Variants in NIPAL2 observed in about 807,000 individuals in gnomAD.
NIPAL2 encodes NIPA like domain containing 2.
Under a neutral mutation model 48.9 loss-of-function variants are expected in NIPAL2, and 43 were observed. That is an observed-to-expected ratio of 0.88 (90% CI 0.69 to 1.13). The LOEUF (loss-of-function observed/expected upper bound fraction) is 1.13. Among genes scored for constraint, NIPAL2 ranks in the 50% most tolerant of loss-of-function variants. The pLI is 0.00. For missense variants in NIPAL2, 446 were observed against 461.4 expected (o/e 0.97, Z 0.31); for synonymous variants, 167 against 174.6 (o/e 0.96, Z 0.34).
chr8:98,192,896 A>C lies in NIPAL2; in HGVS notation c.*82T>G, dbSNP rs957248502. On this transcript the variant is annotated 3_prime_UTR_variant, in exon 11 of 11. Coordinates refer to ENST00000430223, the MANE Select transcript of NIPAL2 (RefSeq NM_001321635.2). Reference sequence around the variant, plus strand: ...GCTAGCACATGTTAGCTTATAAAAGAGCTGCTGACACAAATTGAACATGTG... The same window carrying C: ...GCTAGCACATGTTAGCTTATAAAAGCGCTGCTGACACAAATTGAACATGTG... 6 of 827,228 alleles carry C rather than the reference A, an allele frequency of 7.3e-6. No homozygotes were observed. Among genetic ancestry groups the C allele is most frequent in the Non-Finnish European group, 1.2e-5 (6 of 482,248 alleles). 51.2% of individuals were successfully genotyped at this position (827,228 alleles called of 1,614,324 possible). A position where few individuals can be genotyped will look rare whatever the true frequency, so the allele number is the denominator to read the frequency against.
At chr8:98,217,288 T>C (rs1586327499) in intron 5 of NIPAL2, 1 of 985,426 alleles carries the variant, frequency 1.0e-6, no homozygotes, top group East Asian at 1.1e-4. Flanking sequence ...GACATCTGTC[T>C]GGGGCACGCA....
intron 4 of NIPAL2, among the ~76,000 whole-genome samples, chr8:98,233,787 C>T (rs1812565888): frequency 6.6e-6 from 1 of 152,154 alleles, no homozygotes; most frequent in African/African-American, 2.4e-5. Context: ...TTTCCTAAGC[C>T]TTACAGGCAG....
intron 10 of NIPAL2, chr8:98,193,517 AAT>A: frequency 8.5e-7 from 1 of 1,170,486 alleles, no homozygotes; most frequent in South Asian, 1.2e-5. Flanking sequence ...TGAAATAAAA[AAT>A]AGAGTTAAAA....
chr8:98,255,061 G>T (rs563986158), intron 1 of NIPAL2, among the ~76,000 whole-genome samples: 2 of 150,948 alleles, frequency 1.3e-5, no homozygotes, highest in African/African-American at 4.9e-5. Flanking sequence ...CTTTCTATTG[G>T]GTCTTCTGCT....
chr8:98,235,625 A>G (rs1812669022), intron 4 of NIPAL2, among the ~76,000 whole-genome samples: 1 of 151,812 alleles, frequency 6.6e-6, no homozygotes, highest in African/African-American at 2.4e-5. Flanking sequence ...GGTGTTCATA[A>G]AATTTTATAA....
chr8:98,272,418 GGAA>G (rs1443504016), intron 1 of NIPAL2, among the ~76,000 whole-genome samples: 1 of 152,066 alleles, frequency 6.6e-6, no homozygotes, highest in Non-Finnish European at 1.5e-5. Context: ...TGTGGAAAAA[GGAA>G]GGGAGATTTA....
intron 3 of NIPAL2, among the ~76,000 whole-genome samples, chr8:98,249,177 T>C (rs1813441274): frequency 6.6e-6 from 1 of 152,202 alleles, no homozygotes; most frequent in South Asian, 2.1e-4. Flanking sequence ...CAAGAAGCTC[T>C]ACACTAATGA....
rs143831741 is a variant in NIPAL2, at chr8:98,234,308, C to T, written c.436+1847G>A. ...TCATGGACTATAAATTACTTGTGGACGGGGATTCTGTCTTAATTATCATTT... is the reference window on the plus strand; with the variant it reads ...TCATGGACTATAAATTACTTGTGGATGGGGATTCTGTCTTAATTATCATTT... On this transcript the variant is annotated intron_variant, in intron 4 of 10. Coordinates refer to ENST00000430223, the MANE Select transcript of NIPAL2 (RefSeq NM_001321635.2). Among the ~76,000 whole-genome samples, 761 of 152,138 alleles carry T rather than the reference C, an allele frequency of 5.0e-3. 6 individuals carry two copies. The highest frequency in any genetic ancestry group is 0.017 in the African/African-American group (696 of 41,490).
intron 5 of NIPAL2, chr8:98,217,262 T>C: frequency 1.0e-6 from 1 of 985,394 alleles, no homozygotes; most frequent in South Asian, 4.7e-5. Context: ...TTAATGTAAA[T>C]CTTGAAGGAA....
At chr8:98,212,731 TG>T (rs970363365) in intron 5 of NIPAL2, among the ~76,000 whole-genome samples, 2 of 152,260 alleles carry the variant, frequency 1.3e-5, no homozygotes. Context: ...CTAACCTCCC[TG>T]GAAGTTCAGC....
At chr8:98,196,202 T>A (rs1283789287) in intron 8 of NIPAL2, among the ~76,000 whole-genome samples, 197 bp from the exon 9 acceptor site, 1 of 152,214 alleles carries the variant, frequency 6.6e-6, no homozygotes, top group Non-Finnish European at 1.5e-5. Context: ...GAACATAGAT[T>A]TGTAAATCTG....
At chr8:98,274,473 G>C (rs971989404) in intron 1 of NIPAL2, among the ~76,000 whole-genome samples, 1 of 151,728 alleles carries the variant, frequency 6.6e-6, no homozygotes, top group African/African-American at 2.4e-5. Flanking sequence ...ATATTTTAAG[G>C]CTATACTGTT....
At chr8:98,234,007 C>T (rs1262475304) in intron 4 of NIPAL2, among the ~76,000 whole-genome samples, 1 of 151,262 alleles carries the variant, frequency 6.6e-6, no homozygotes, top group Non-Finnish European at 1.5e-5. Flanking sequence ...AGGGCTAAAC[C>T]TGAGTAATTT....
At chr8:98,206,316 G>A (rs543255254) in intron 6 of NIPAL2, among the ~76,000 whole-genome samples, 5 of 147,578 alleles carry the variant, frequency 3.4e-5, no homozygotes, top group East Asian at 2.0e-4. Flanking sequence ...GTGTGTGTGT[G>A]TATATATATA....
chr8:98,219,657 A>G (rs1046125890), intron 5 of NIPAL2, among the ~76,000 whole-genome samples: 1 of 152,040 alleles, frequency 6.6e-6, no homozygotes, highest in African/African-American at 2.4e-5. Context: ...GTCCTTTTCT[A>G]CGTTCCCATT....
intron 4 of NIPAL2, among the ~76,000 whole-genome samples, chr8:98,231,103 A>G (rs1812419152): frequency 6.6e-6 from 1 of 152,210 alleles, no homozygotes; most frequent in Non-Finnish European, 1.5e-5. Flanking sequence ...ACAGGAGTCA[A>G]AGAATAAATT....
At chr8:98,250,839 A>G (rs954297007) in intron 3 of NIPAL2, among the ~76,000 whole-genome samples, 1 of 152,128 alleles carries the variant, frequency 6.6e-6, no homozygotes, top group Non-Finnish European at 1.5e-5. Flanking sequence ...GCTTGGATCA[A>G]GTCTTGCCAA....
chr8:98,220,964 C>CTTTTTTTTTTTTTT (rs557824737), intron 5 of NIPAL2, among the ~76,000 whole-genome samples: 12 of 68,668 alleles, frequency 1.7e-4, no homozygotes, highest in East Asian at 5.2e-4. Context: ...TCATTTCATT[C>CTTTTTTTTTTTTTT]TTTTTTTTTT....
intron 7 of NIPAL2, among the ~76,000 whole-genome samples, chr8:98,204,015 C>T (rs531132304): frequency 3.9e-5 from 6 of 152,168 alleles, no homozygotes; most frequent in African/African-American, 1.2e-4. Context: ...AATGGGCAAC[C>T]AGGGCTGAGA....
Sources: gnomAD v4.1 joint callset for allele counts (sites outside exome capture counted in the v4.1 genomes callset) on GRCh38, gnomAD v4.1.1 for gene constraint, MANE v1.5 for transcripts, NCBI Gene and HGNC (gene_info 2026-07-23, HGNC 2026-07-21) for gene names.